The following LTBP3 variants were observed in gnomAD, a reference collection of about 807,000 sequenced individuals.
LTBP3 encodes the protein latent transforming growth factor beta binding protein 3, also known as latent-transforming growth factor beta-binding protein 3.
LTBP3 carries 97 observed loss-of-function variants against 159.7 expected under a neutral mutation model. The ratio of observed to expected loss-of-function variants is 0.61; its 90% CI spans 0.52 to 0.72. The LOEUF is 0.72. Among genes scored for constraint, LTBP3 ranks in the 30% least tolerant of loss-of-function variants. The pLI is 0.00. For synonymous variants in LTBP3, 824 were observed against 777.1 expected, an observed-to-expected ratio of 1.06 and a Z score of -1.00; for missense variants, 1,584 against 1,864.3, an observed-to-expected ratio of 0.85 and a Z score of 2.77.
chr11:65,552,179 C>A lies in LTBP3; in HGVS notation c.1346-22G>T. ...GCAGCTGCAGTCAAGACAGCAGACA[C>A]AAAAGTGAGCATTTCCTGGACAGGT... On this transcript the variant is annotated intron_variant, in intron 7 of 27. Transcript: ENST00000301873. This position sits in a 1 kb window ranked among gnomAD's most constrained non-coding sequence, Gnocchi z 6.0. 2 of 1,614,194 alleles carry A rather than the reference C, an allele frequency of 1.2e-6. No homozygotes were observed. Among genetic ancestry groups the A allele is most frequent in the Non-Finnish European group, 1.7e-6 (2 of 1,180,020 alleles).
Position 65,547,479 on chromosome 11 carries a change from G to A in LTBP3, c.2067C>T (p.Pro689=), listed in dbSNP as rs769086497. 1 of 1,614,112 alleles carries A rather than the reference G, an allele frequency of 6.2e-7. No homozygotes were observed. Among genetic ancestry groups the A allele is most frequent in the Non-Finnish European group, 8.5e-7 (1 of 1,180,002 alleles). The stretch of plus-strand genomic sequence containing the variant: ...GCCGGGAGGCTTTGAGCCGGTAGCC[G>A]GGGTAGCAGTTGCACTTGTAGTGAC... ...FPGHYKCNCY[P]GYRLKASRPP... is the part of the protein sequence containing the mutation. Residue 689 remains proline (P), a synonymous_variant, in exon 14 of 28, where the codon CCC becomes CCT. Transcript: ENST00000301873. This position sits in a 1 kb window ranked among gnomAD's most constrained non-coding sequence, Gnocchi z 4.6.
At chr11:65,542,907 T>C (rs1856202499) in intron 18 of LTBP3, 198 bp downstream of exon 18, 2 of 733,624 alleles carry the variant, frequency 2.7e-6, no homozygotes, top group African/African-American at 1.7e-5. Context: ...AGTGGAAGGA[T>C]GAATGGAAGG....
rs1338373647 is a variant in LTBP3, at chr11:65,557,670, C to A, written c.290G>T (p.Gly97Val). The A allele has an allele frequency of 6.2e-7, 1 of 1,611,118 alleles. No individual in the cohort carries two copies. The highest frequency in any genetic ancestry group is 1.1e-5 in the South Asian group (1 of 91,086). The part of the protein sequence containing the change: ...GSNMTLIGEN[G>V]HSTDTLTGSG... ...GCCCGTGAGCGTGTCTGTGCTGTGGCCGTTCTCTCCGATGAGCGTCATGTT... is the reference window on the plus strand; with the variant it reads ...GCCCGTGAGCGTGTCTGTGCTGTGGACGTTCTCTCCGATGAGCGTCATGTT... The change falls in exon 1 of 28, where the codon GGC becomes GTC. Residue 97 changes from glycine to valine, a missense_variant. Physicochemically the swap from Gly to Val is moderately radical, Grantham distance 109. Transcript: ENST00000301873.
chr11:65,552,210 G>T lies in LTBP3; in HGVS notation c.1345+38C>A, dbSNP rs202040863. On this transcript the variant is annotated intron_variant, in intron 7 of 27. Transcript: ENST00000301873. This position sits in a 1 kb window ranked among gnomAD's most constrained non-coding sequence, Gnocchi z 6.0. ...TGAGCATTTCCTGGACAGGTGCATG[G>T]ACCTATGAACCCCTATCCCCGGGTA... The T allele has an allele frequency of 1.9e-6, 3 of 1,614,120 alleles. No homozygotes were observed. The highest frequency in any genetic ancestry group is 2.5e-6 in the Non-Finnish European group (3 of 1,180,006).
In LTBP3 at chr11:65,547,875, TC is replaced by T. The variant is rs528861640; in HGVS notation, c.1846+44del. On this transcript the variant is annotated intron_variant, in intron 12 of 27. Transcript: ENST00000301873. This position sits in a 1 kb window ranked among gnomAD's most constrained non-coding sequence, Gnocchi z 4.6. Reference sequence around the variant, plus strand: ...TCAAAGGAAGCGTCGTTATCTGGGGTCCCCCCCCACCCACCTGCATGCCCGC... The same window carrying T: ...TCAAAGGAAGCGTCGTTATCTGGGGTCCCCCCCACCCACCTGCATGCCCGC... 2.7e-5 allele frequency: 43 copies of T among 1,610,662 alleles called. No homozygotes were observed. The highest frequency in any genetic ancestry group is 1.6e-4 in the Middle Eastern group (1 of 6,082).
At chr11:65,557,543 G>T (rs572639733) in intron 1 of LTBP3, 86 bp downstream of exon 1, 8 of 1,575,626 alleles carry the variant, frequency 5.1e-6, no homozygotes, top group Non-Finnish European at 6.9e-6. Context: ...TCAGCCCCCA[G>T]TCTCTAAGGC....
At chr11:65,542,744 G>C (rs1856196169) in intron 18 of LTBP3, 1 of 342,420 alleles carries the variant, frequency 2.9e-6, no homozygotes, top group South Asian at 2.3e-5. Context: ...TGGGTGAGTT[G>C]ATGGGGAAGA....
Position 65,538,888 on chromosome 11 carries a change from G to T in LTBP3, c.*192C>A. The T allele has an allele frequency of 9.0e-6, 10 of 1,115,758 alleles. No homozygotes were observed. Among genetic ancestry groups the T allele is most frequent in the Non-Finnish European group, 1.2e-5 (10 of 846,654 alleles). 69.1% of individuals were successfully genotyped at this position (1,115,758 alleles called of 1,614,324 possible). A position where few individuals can be genotyped will look rare whatever the true frequency, so the allele number is the denominator to read the frequency against. ...GGGAGGAAGGCAGGCAGCGCCCGCC[G>T]GAGACCTTACAACCGCCCGCTAACC... On this transcript the variant is annotated 3_prime_UTR_variant, in exon 28 of 28. Coordinates refer to ENST00000301873, the MANE Select transcript of LTBP3 (RefSeq NM_001130144.3).
Position 65,547,612 on chromosome 11 carries a change from G to T in LTBP3, c.1979-45C>A. 1.9e-6 allele frequency: 3 copies of T among 1,610,870 alleles called. No individual in the cohort carries two copies. The East Asian group carries it at 6.7e-5, about 36-fold the overall frequency. ...CACGAAGGGGGTGTAGGAGGCGGCG[G>T]GCAAGGGGAGGGATTACACGGCGGT... On this transcript the variant is annotated intron_variant, in intron 13 of 27. Transcript: ENST00000301873. This position sits in a 1 kb window ranked among gnomAD's most constrained non-coding sequence, Gnocchi z 4.6.
intron 1 of LTBP3, among the ~76,000 whole-genome samples, chr11:65,556,738 G>A (rs1856825087): frequency 6.6e-6 from 1 of 152,206 alleles, no homozygotes; most frequent in Non-Finnish European, 1.5e-5. Context: ...CCTTAGCTCT[G>A]TGAGTGGGAG....
chr11:65,548,430 T>G, intron 11 of LTBP3: 2 of 449,456 alleles, frequency 4.4e-6, no homozygotes, highest in Non-Finnish European at 4.1e-6. Context: ...TTAAACTCTA[T>G]AGCCTCGGTC....
In LTBP3 at chr11:65,539,872, G is replaced by C; in HGVS notation, c.3395C>G (p.Pro1132Arg). Residue 1132 changes from proline (P) to arginine (R), a missense_variant, in exon 25 of 28, where the codon CCG becomes CGG. Around this residue, in one of 6 missense-constraint regions of LTBP3, gnomAD observed 514 missense variants for 530.3 expected, o/e 0.97. Coordinates refer to ENST00000301873, the MANE Select transcript of LTBP3 (RefSeq NM_001130144.3). ...QLPESPAERA[P>R]ERRDVCWSQR... ...GCTCCAGCACACGTCGCGCCGCTCCGGGGCACGCTCTGCGGAAGACACCTG... is the reference window on the plus strand; with the variant it reads ...GCTCCAGCACACGTCGCGCCGCTCCCGGGCACGCTCTGCGGAAGACACCTG... 1.3e-6 allele frequency: 2 copies of C among 1,514,552 alleles called. No homozygotes were observed. Among genetic ancestry groups the C allele is most frequent in the South Asian group, 2.4e-5 (2 of 81,778 alleles). The allele number at this position is 1,514,552 out of a possible 1,614,324, so 93.8% of individuals were successfully genotyped here.
In LTBP3 at chr11:65,557,975, C is replaced by G; in HGVS notation, c.-16G>C. On this transcript the variant is annotated 5_prime_UTR_variant, in exon 1 of 28. Coordinates refer to ENST00000301873, the MANE Select transcript of LTBP3 (RefSeq NM_001130144.3). ...GCCCGGGCATCCGGGGCCGCAGGAC[C>G]CGGGGGAGGGGGGGCGCGCCCGGGC... is the stretch of plus-strand genomic sequence containing the variant. The G allele has an allele frequency of 8.8e-7, 1 of 1,138,878 alleles. No individual in the cohort carries two copies. The highest frequency in any genetic ancestry group is 4.4e-5 in the East Asian group (1 of 22,514). 70.5% of individuals were successfully genotyped at this position (1,138,878 alleles called of 1,614,324 possible). A position where few individuals can be genotyped will look rare whatever the true frequency, so the allele number is the denominator to read the frequency against.
chr11:65,546,624 G>A lies in LTBP3; in HGVS notation c.2231-60C>T. ...CACCGGAAGGCGGACCGCGCACCTC[G>A]CGGGGGTGTGGGTCTCTTCCCTGGA... On this transcript the variant is annotated intron_variant, in intron 15 of 27. Transcript: ENST00000301873. The surrounding 1 kb of genome is among the most constrained non-coding windows in gnomAD (Gnocchi z 4.0). 6.3e-7 allele frequency: 1 copy of A among 1,594,488 alleles called. No homozygotes were observed. The highest frequency in any genetic ancestry group is 8.5e-7 in the Non-Finnish European group (1 of 1,178,192).
intron 11 of LTBP3, 141 bp downstream of exon 11, chr11:65,550,985 C>A: frequency 2.7e-6 from 2 of 728,222 alleles, no homozygotes; most frequent in Non-Finnish European, 2.4e-6. Flanking sequence ...ATCTCTGGTG[C>A]TCACCAGGCT....
intron 18 of LTBP3, chr11:65,542,612 T>G (rs775882177): frequency 4.2e-4 from 102 of 243,096 alleles, no homozygotes; most frequent in Non-Finnish European, 7.4e-4. Flanking sequence ...GGTCTTGAAC[T>G]CCTAACCTCA....
chr11:65,551,745 G>T, intron 8 of LTBP3, 181 bp from the exon 9 acceptor site: 1 of 902,260 alleles, frequency 1.1e-6, no homozygotes, highest in Non-Finnish European at 1.8e-6. Context: ...CACATGATCA[G>T]GTTGAATGGC....
intron 11 of LTBP3, among the ~76,000 whole-genome samples, chr11:65,550,837 A>G (rs912214878): frequency 2.6e-5 from 4 of 152,180 alleles, no homozygotes; most frequent in Non-Finnish European, 5.9e-5. Context: ...AAAACAAAAA[A>G]CAAAAAACAA....
chr11:65,552,463 C>G lies in LTBP3; in HGVS notation c.1187-57G>C. ...GAGCCTGCACATTGCCCACGTCCCT[C>G]TGCCCAGCTGCTGCAGACCTTGCCT... On this transcript the variant is annotated intron_variant, in intron 6 of 27. Coordinates refer to ENST00000301873, the MANE Select transcript of LTBP3 (RefSeq NM_001130144.3). This position sits in a 1 kb window ranked among gnomAD's most constrained non-coding sequence, Gnocchi z 6.0. 1 of 1,597,490 alleles carries G rather than the reference C, an allele frequency of 6.3e-7. No individual in the cohort carries two copies. Among genetic ancestry groups the G allele is most frequent in the South Asian group, 1.1e-5 (1 of 90,638 alleles).
Sources: allele counts gnomAD v4.1 joint callset (sites outside exome capture counted in the v4.1 genomes callset), GRCh38; gene constraint gnomAD v4.1.1; regional missense constraint gnomAD v4.1.1; non-coding constraint Gnocchi (gnomAD v3.1); transcripts MANE v1.5; gene names NCBI Gene and HGNC (gene_info 2026-07-23, HGNC 2026-07-21).